Variants in COL21A1 observed in about 807,000 individuals in gnomAD.
COL21A1 encodes collagen alpha-1(XXI) chain.
Under a neutral mutation model 137.9 loss-of-function variants are expected in COL21A1, and 149 were observed. The observed-to-expected ratio is 1.08, with a 90% CI of 0.95 to 1.24. The LOEUF is 1.24. Ranked by LOEUF, COL21A1 falls within the 50% of genes most tolerant of loss-of-function variation. The pLI is 0.00. For missense variants in COL21A1, 1,167 were observed against 1,158.4 expected (o/e 1.01, Z -0.11); for synonymous variants, 456 against 391.5 (o/e 1.16, Z -1.95).
chr6:56,204,581 G>C (rs1254984937), intron 1 of COL21A1, among the ~76,000 whole-genome samples: 1 of 152,158 alleles, frequency 6.6e-6, no homozygotes, highest in Non-Finnish European at 1.5e-5. Flanking sequence ...ATCCCTACTT[G>C]ACAGCTCTGA....
At chr6:56,304,932 G>A (rs1010220616) in intron 1 of COL21A1, among the ~76,000 whole-genome samples, 7 of 152,118 alleles carry the variant, frequency 4.6e-5, no homozygotes, top group Non-Finnish European at 8.8e-5. Context: ...GGTATGTTGT[G>A]TCTTTGTTCT....
chr6:56,115,806 G>C (rs977080129), intron 16 of COL21A1, among the ~76,000 whole-genome samples: 1 of 152,042 alleles, frequency 6.6e-6, no homozygotes, highest in Non-Finnish European at 1.5e-5. Flanking sequence ...AATTATATTA[G>C]ATAAATTTCA....
intron 1 of COL21A1, among the ~76,000 whole-genome samples, chr6:56,260,558 A>C: frequency 7.6e-6 from 1 of 132,050 alleles, no homozygotes; most frequent in Non-Finnish European, 1.6e-5. Flanking sequence ...TGGGTGACAG[A>C]ACAAGACTCT....
intron 17 of COL21A1, among the ~76,000 whole-genome samples, chr6:56,090,827 T>C (rs1768739444): frequency 1.3e-5 from 2 of 151,792 alleles, no homozygotes; most frequent in African/African-American, 4.9e-5. Flanking sequence ...TAAGAACTGC[T>C]GTGTGAAATT....
At chr6:56,314,910 T>C (rs944517009) in intron 1 of COL21A1, among the ~76,000 whole-genome samples, 3 of 152,178 alleles carry the variant, frequency 2.0e-5, no homozygotes, top group Admixed American at 2.0e-4. Flanking sequence ...ACAGATTCTT[T>C]GGTTCCTTGG....
At chr6:56,346,951 C>T (rs936191900) in intron 1 of COL21A1, among the ~76,000 whole-genome samples, 2 of 152,156 alleles carry the variant, frequency 1.3e-5, no homozygotes, top group Admixed American at 1.3e-4. Context: ...CTGTAGCACT[C>T]AGCAGTCCCT....
At chr6:56,122,028 T>C (rs189310962) in intron 16 of COL21A1, among the ~76,000 whole-genome samples, 53 of 152,162 alleles carry the variant, frequency 3.5e-4, no homozygotes, top group Middle Eastern at 3.4e-3. Context: ...CCTCAAAATG[T>C]TGAACCAAGT....
chr6:56,268,656 A>C (rs1763451449), intron 1 of COL21A1, among the ~76,000 whole-genome samples: 1 of 152,176 alleles, frequency 6.6e-6, no homozygotes, highest in Non-Finnish European at 1.5e-5. Context: ...AACTTACACC[A>C]CAGATAAAGG....
rs116467524 is a variant in COL21A1 at position 56,297,465 on chromosome 6, G to A, written c.-39+96506C>T. On this transcript the variant is annotated intron_variant, in intron 1 of 28. Transcript: ENST00000370819. ...AAGACAGACAGGTCCCTTTATATGG[G>A]CCAACATACTCATTTTTACTTTGCT... Among the ~76,000 whole-genome samples, 745 of 152,076 alleles carry A rather than the reference G, an allele frequency of 4.9e-3. 11 individuals are homozygous for A. The highest frequency in any genetic ancestry group is 6.8e-3 in the Middle Eastern group (2 of 294).
chr6:56,172,079 A>AAAAG (rs1777111644), intron 3 of COL21A1, among the ~76,000 whole-genome samples: 1 of 151,482 alleles, frequency 6.6e-6, no homozygotes, highest in African/African-American at 2.4e-5. Context: ...GAAAAAAAAA[A>AAAAG]AAGAAGAGGG....
intron 1 of COL21A1, among the ~76,000 whole-genome samples, chr6:56,353,205 A>G (rs927391145): frequency 2.6e-5 from 4 of 152,164 alleles, no homozygotes; most frequent in African/African-American, 9.7e-5. Context: ...CTACAGTGCT[A>G]TATAGAAAGT....
At chr6:56,111,750 T>C (rs1309329258) in intron 16 of COL21A1, among the ~76,000 whole-genome samples, 2 of 151,364 alleles carry the variant, frequency 1.3e-5, no homozygotes, top group Non-Finnish European at 1.5e-5. Flanking sequence ...GGCAGGTGCC[T>C]GTAATCCCAG....
At chr6:56,223,309 C>CTCTA (rs1017611944) in intron 1 of COL21A1, among the ~76,000 whole-genome samples, 1 of 151,980 alleles carries the variant, frequency 6.6e-6, no homozygotes, top group Admixed American at 6.6e-5. Flanking sequence ...AAAAGTGTCC[C>CTCTA]TCTAATATGA....
At chr6:56,105,622 G>A (rs78831231) in intron 16 of COL21A1, among the ~76,000 whole-genome samples, 9,381 of 152,244 alleles carry the variant, frequency 0.062, 362 homozygotes, top group Admixed American at 0.1. Flanking sequence ...ACCAGTTGGT[G>A]AGCAGAATTT....
chr6:56,344,394 A>G (rs1052560105), intron 1 of COL21A1, among the ~76,000 whole-genome samples: 2 of 152,250 alleles, frequency 1.3e-5, no homozygotes, highest in East Asian at 1.9e-4. Context: ...TTACAAATAA[A>G]TATCATAAAA....
At chr6:56,112,714 C>T (rs1411340646) in intron 16 of COL21A1, among the ~76,000 whole-genome samples, 13 of 117,786 alleles carry the variant, frequency 1.1e-4, no homozygotes, top group African/African-American at 3.1e-4. Context: ...GACGGAGTTT[C>T]GCTCTTGTTA....
chr6:56,063,927 C>T (rs1307487214), intron 24 of COL21A1, among the ~76,000 whole-genome samples: 1 of 152,120 alleles, frequency 6.6e-6, no homozygotes, highest in Non-Finnish European at 1.5e-5. Flanking sequence ...CTACAAGCAA[C>T]ACAGCAGCAA....
intron 1 of COL21A1, among the ~76,000 whole-genome samples, chr6:56,211,478 A>G (rs1019520280): frequency 7.9e-5 from 12 of 152,040 alleles, no homozygotes; most frequent in African/African-American, 2.7e-4. Flanking sequence ...GGTGTGGCCA[A>G]TAGCAGCATT....
intron 1 of COL21A1, among the ~76,000 whole-genome samples, chr6:56,357,678 T>A (rs1183959786): frequency 6.6e-6 from 1 of 152,214 alleles, no homozygotes; most frequent in African/African-American, 2.4e-5. Context: ...AAATTTTAAT[T>A]ATCTTCAGCA....
Sources: gnomAD v4.1 joint callset for allele counts (sites outside exome capture counted in the v4.1 genomes callset) on GRCh38, gnomAD v4.1.1 for gene constraint, MANE v1.5 for transcripts, NCBI Gene and HGNC (gene_info 2026-07-23, HGNC 2026-07-21) for gene names.